The following ZPLD1 variants were observed in gnomAD, a reference collection of about 807,000 sequenced individuals.
The protein encoded by ZPLD1 is zona pellucida-like domain-containing protein 1.
In ZPLD1, 34 loss-of-function variants were observed where a neutral mutation model predicts 47.2. That is an observed-to-expected ratio of 0.72 (90% CI 0.55 to 0.96). The LOEUF (loss-of-function observed/expected upper bound fraction) is 0.96. Ranked by LOEUF, ZPLD1 falls within the 40% of genes least tolerant of loss-of-function variation. ZPLD1 has a pLI of 0.00. For missense variants in ZPLD1, 512 were observed against 505.8 expected (o/e 1.01, Z -0.12); for synonymous variants, 176 against 186.2 (o/e 0.95, Z 0.45).
At chr3:102,388,026 A>AATTTTTTGT (rs1706451930) in intron 6 of ZPLD1, among the ~76,000 whole-genome samples, 1 of 151,836 alleles carries the variant, frequency 6.6e-6, no homozygotes, top group Non-Finnish European at 1.5e-5. Context: ...ACGCCCAGCT[A>AATTTTTTGT]ATTTTTTGTA....
chr3:102,399,172 G>T (rs1462646626), intron 7 of ZPLD1, among the ~76,000 whole-genome samples: 1 of 152,086 alleles, frequency 6.6e-6, no homozygotes. Context: ...TCCCCACCCT[G>T]CTGTTACACC....
At chr3:102,401,810 C>A (rs13314775) in intron 7 of ZPLD1, among the ~76,000 whole-genome samples, 3,802 of 152,124 alleles carry the variant, frequency 0.025, 67 homozygotes, top group South Asian at 0.043. Flanking sequence ...AATTCTTAAG[C>A]TGTTGCTACT....
At chr3:102,435,631 A>G (rs1576145238) in intron 1 of ZPLD1, among the ~76,000 whole-genome samples, 1 of 142,920 alleles carries the variant, frequency 7.0e-6, no homozygotes, top group Non-Finnish European at 1.5e-5. Context: ...TATGATCATC[A>G]TCTTGATTTT....
intron 7 of ZPLD1, among the ~76,000 whole-genome samples, chr3:102,413,731 G>A (rs1446740194): frequency 6.6e-6 from 1 of 151,640 alleles, no homozygotes; most frequent in Non-Finnish European, 1.5e-5. Context: ...CCCATAGTAA[G>A]AACATATTAT....
chr3:102,462,409 A>G (rs753119644), intron 7 of ZPLD1, 31 bp downstream of exon 7: 3 of 1,494,514 alleles, frequency 2.0e-6, no homozygotes, highest in Non-Finnish European at 2.8e-6. Flanking sequence ...TTTTTAGGTT[A>G]AAACTCTTTG....
At position 102,473,940 on chromosome 3, in the gene ZPLD1, G is replaced by A. The variant is rs187380740; in HGVS notation, c.1043-3072G>A. On this transcript the variant is annotated intron_variant, in intron 10 of 11. Coordinates refer to ENST00000466937, the MANE Select transcript of ZPLD1 (RefSeq NM_001329788.2). Reference sequence around the variant, plus strand: ...TCAGGCTTGATTTGCTCTCTTCAAAGCTCTCTGATGCTTGGAAGTTTTGCT... The same window carrying A: ...TCAGGCTTGATTTGCTCTCTTCAAAACTCTCTGATGCTTGGAAGTTTTGCT... Among the ~76,000 whole-genome samples the A allele has an allele frequency of 4.8e-4, 73 of 152,220 alleles. 1 individual carries two copies. The East Asian group carries it at 0.013, about 27-fold the overall frequency.
intron 8 of ZPLD1, among the ~76,000 whole-genome samples, chr3:102,419,256 T>C (rs1706847061): frequency 6.6e-6 from 1 of 151,992 alleles, no homozygotes; most frequent in South Asian, 2.1e-4. Flanking sequence ...CTTTCTCTCA[T>C]GTGACACATT....
intron 7 of ZPLD1, among the ~76,000 whole-genome samples, chr3:102,395,071 G>A (rs1706541639): frequency 2.0e-5 from 3 of 152,062 alleles, no homozygotes; most frequent in Non-Finnish European, 4.4e-5. Flanking sequence ...GGATCAGGAA[G>A]TAGATGATAA....
chr3:102,473,003 T>C lies in ZPLD1; in HGVS notation c.1042+2501T>C, dbSNP rs1301321496. Among the ~76,000 whole-genome samples, 4 of 152,032 alleles carry C rather than the reference T, an allele frequency of 2.6e-5. No individual in the cohort carries two copies. In the East Asian group the frequency reaches 7.7e-4, roughly 29 times the overall value. On this transcript the variant is annotated intron_variant, in intron 10 of 11. Transcript: ENST00000466937. The stretch of plus-strand genomic sequence containing the variant: ...GGCAGAAGGCAAAGGAAGAGCAAAG[T>C]CGTATCTTAAATGGTGGCAGGCAAG...
chr3:102,478,550 G>C lies in ZPLD1; in HGVS notation c.*932G>C, dbSNP rs1040869773. On this transcript the variant is annotated 3_prime_UTR_variant, in exon 12 of 12. Transcript: ENST00000466937. ...AAAACAAAAAGGAAACTTAGGTTAA[G>C]TGTAGTTTGCAGAACATTGTTGGAA... 6.7e-6 allele frequency: 1 copy of C among 150,342 alleles called. No homozygotes were observed. Among genetic ancestry groups the C allele is most frequent in the Non-Finnish European group, 1.5e-5 (1 of 67,300 alleles). 9.3% of individuals were successfully genotyped at this position (150,342 alleles called of 1,614,324 possible).
At chr3:102,459,089 CAAAAAAA>C (rs767071660) in intron 6 of ZPLD1, among the ~76,000 whole-genome samples, 8 of 25,852 alleles carry the variant, frequency 3.1e-4, no homozygotes, top group South Asian at 2.7e-3. Flanking sequence ...GACTCCGTCT[CAAAAAAA>C]AAAAAAAAAA....
intron 4 of ZPLD1, 32 bp from the exon 5 acceptor site, chr3:102,456,161 T>C (rs1364911754): frequency 6.3e-7 from 1 of 1,588,630 alleles, no homozygotes; most frequent in Admixed American, 1.8e-5. Flanking sequence ...TATAGCCATT[T>C]AATCATTAAA....
At chr3:102,394,451 T>C (rs1706534859) in intron 7 of ZPLD1, among the ~76,000 whole-genome samples, 2 of 152,198 alleles carry the variant, frequency 1.3e-5, no homozygotes, top group African/African-American at 4.8e-5. Context: ...GATACTTAAA[T>C]GTCCTGGCTT....
At position 102,456,267 on chromosome 3, in the gene ZPLD1, TGATACTCCA is replaced by T; in HGVS notation, c.405_413del (p.Thr136_Asp138del). ...AAGTAGGAAATATTTCAGGATATAT[TGATACTCCA>T]GACCCACCAACAATCATCAGCTATC... On this transcript the variant is annotated inframe_deletion, in exon 5 of 12. Coordinates refer to ENST00000466937, the MANE Select transcript of ZPLD1 (RefSeq NM_001329788.2). 3 of 1,613,938 alleles carry T rather than the reference TGATACTCCA, an allele frequency of 1.9e-6. No homozygotes were observed. Among genetic ancestry groups the T allele is most frequent in the Non-Finnish European group, 2.5e-6 (3 of 1,179,888 alleles).
At chr3:102,450,578 A>G (rs1425328266) in intron 3 of ZPLD1, among the ~76,000 whole-genome samples, 1 of 152,180 alleles carries the variant, frequency 6.6e-6, no homozygotes, top group Non-Finnish European at 1.5e-5. Flanking sequence ...TTGAGCACCT[A>G]GTTCAAGATT....
rs56231122 is a variant in ZPLD1, at chr3:102,453,234, GA to G, written c.327+103del. 5.4e-5 allele frequency: 61 copies of G among 1,134,832 alleles called. No individual in the cohort carries two copies. In the Admixed American group the frequency reaches 8.9e-4, roughly 16 times the overall value. 70.3% of individuals were successfully genotyped at this position (1,134,832 alleles called of 1,614,324 possible). A position where few individuals can be genotyped will look rare whatever the true frequency, so the allele number is the denominator to read the frequency against. On this transcript the variant is annotated intron_variant, in intron 4 of 11. Transcript: ENST00000466937. ...ATAAGATGCCCAATCTATCTCTTGA[GA>G]AAAAAAATAAAATTGAACAAATCAC...
In ZPLD1 at chr3:102,478,965, G is replaced by C. The variant is rs1363028117; in HGVS notation, c.*1347G>C. 1.3e-5 allele frequency: 2 copies of C among 152,056 alleles called. No homozygotes were observed. The highest frequency in any genetic ancestry group is 2.4e-5 in the African/African-American group (1 of 41,410). The allele number at this position is 152,056 out of a possible 1,614,324, so 9.4% of individuals were successfully genotyped here. ...TAGTCCGGACTTAATTTACTATACT[G>C]CATGCAAATCATCAAGCAATTGCTT... On this transcript the variant is annotated 3_prime_UTR_variant, in exon 12 of 12. Transcript: ENST00000466937.
intron 8 of ZPLD1, among the ~76,000 whole-genome samples, chr3:102,425,882 T>C (rs1007942256): frequency 6.6e-6 from 1 of 150,972 alleles, no homozygotes; most frequent in Admixed American, 6.7e-5. Flanking sequence ...AGATGAAATA[T>C]CCTTTGCAAA....
upstream of ZPLD1, among the ~76,000 whole-genome samples, chr3:102,430,870 TTAAGA>T (rs928787055): frequency 1.6e-4 from 25 of 152,188 alleles, no homozygotes; most frequent in South Asian, 2.1e-4. Context: ...AAATGAGCAA[TTAAGA>T]TAACTAGTAA....
Sources: gnomAD v4.1 joint callset for allele counts (sites outside exome capture counted in the v4.1 genomes callset) on GRCh38, gnomAD v4.1.1 for gene constraint, MANE v1.5 for transcripts, NCBI Gene and HGNC (gene_info 2026-07-23, HGNC 2026-07-21) for gene names.